Variants in PITPNC1 observed in about 807,000 individuals in gnomAD.
The protein encoded by PITPNC1 is cytoplasmic phosphatidylinositol transfer protein 1.
A neutral mutation model predicts 44.7 loss-of-function variants in PITPNC1; 18 were observed. The observed-to-expected ratio is 0.40, with a 90% CI of 0.28 to 0.60. PITPNC1 has a LOEUF of 0.60. Among genes scored for constraint, PITPNC1 ranks in the 20% least tolerant of loss-of-function variants. The probability of loss-of-function intolerance (pLI) is 0.39; values close to 1 mark genes in which losing one functional copy is unlikely to be tolerated. For missense variants in PITPNC1, 290 were observed against 418.4 expected (o/e 0.69, Z 2.68); for synonymous variants, 141 against 149.6 (o/e 0.94, Z 0.42).
At chr17:67,462,337 T>G (rs1407337438) in intron 1 of PITPNC1, among the ~76,000 whole-genome samples, 1 of 146,572 alleles carries the variant, frequency 6.8e-6, no homozygotes, top group African/African-American at 2.5e-5. Context: ...GTTCAAGCAA[T>G]TCTCCTGCTT....
intron 4 of PITPNC1, among the ~76,000 whole-genome samples, chr17:67,557,219 G>A (rs2040850003): frequency 6.6e-6 from 1 of 151,458 alleles, no homozygotes; most frequent in Non-Finnish European, 1.5e-5. Context: ...AAGTTCTCTG[G>A]TCTCATCTTT....
chr17:67,474,336 T>C (rs1460884598), intron 1 of PITPNC1, among the ~76,000 whole-genome samples: 1 of 152,210 alleles, frequency 6.6e-6, no homozygotes, highest in Non-Finnish European at 1.5e-5. Context: ...GTGACGACAA[T>C]GGGAAGTTGA....
chr17:67,654,855 A>C lies in PITPNC1; in HGVS notation c.463-14653A>C, dbSNP rs554267476. ...TCACCATATTGGCCAGGCTGGTCTC[A>C]AACTCCTGACCTCGTGATCTGCCCG... On this transcript the variant is annotated intron_variant, in intron 6 of 8. Coordinates refer to ENST00000581322, the MANE Select transcript of PITPNC1 (RefSeq NM_012417.4). Among the ~76,000 whole-genome samples the C allele has an allele frequency of 4.6e-5, 7 of 152,092 alleles. No homozygotes were observed. The East Asian group carries it at 7.8e-4, about 17-fold the overall frequency.
chr17:67,677,674 T>C (rs2042627325), intron 8 of PITPNC1, among the ~76,000 whole-genome samples: 1 of 151,838 alleles, frequency 6.6e-6, no homozygotes, highest in South Asian at 2.1e-4. Context: ...TTCAAGCGAT[T>C]CTCCTTGCCT....
At chr17:67,576,640 A>G (rs771470914) in intron 4 of PITPNC1, among the ~76,000 whole-genome samples, 6 of 152,164 alleles carry the variant, frequency 3.9e-5, no homozygotes, top group African/African-American at 7.2e-5. Context: ...GCGTGGTTAC[A>G]CCAACATCCA....
At chr17:67,577,280 G>A (rs1172363736) in intron 4 of PITPNC1, among the ~76,000 whole-genome samples, 2 of 151,678 alleles carry the variant, frequency 1.3e-5, no homozygotes, top group East Asian at 1.9e-4. Flanking sequence ...GACAAAGTAA[G>A]ACTCTGTCTC....
chr17:67,560,038 C>T (rs1598821024), intron 4 of PITPNC1, among the ~76,000 whole-genome samples: 1 of 152,192 alleles, frequency 6.6e-6, no homozygotes, highest in Non-Finnish European at 1.5e-5. Context: ...CAAGATGGTA[C>T]ACAGCCCATT....
At chr17:67,643,881 AACCATGTGTCTTTGGAAAGTGGCC>A (rs1302503095) in intron 6 of PITPNC1, among the ~76,000 whole-genome samples, 1 of 152,158 alleles carries the variant, frequency 6.6e-6, no homozygotes, top group Non-Finnish European at 1.5e-5. Flanking sequence ...GCTCCGTGGA[AACCATGTGTCTTTGGAAAGTGGCC>A]ACCGTGAGTG....
At chr17:67,681,823 C>A (rs1322443617) in intron 8 of PITPNC1, among the ~76,000 whole-genome samples, 1 of 151,860 alleles carries the variant, frequency 6.6e-6, no homozygotes, top group Non-Finnish European at 1.5e-5. Context: ...AATGATAATC[C>A]AATTTAATAA....
intron 8 of PITPNC1, among the ~76,000 whole-genome samples, chr17:67,685,668 G>T (rs1241320356): frequency 7.2e-5 from 11 of 152,180 alleles, no homozygotes. Flanking sequence ...AGTAACAGAG[G>T]AATGCCTACC....
At chr17:67,392,336 G>C (rs2038150310) in intron 1 of PITPNC1, among the ~76,000 whole-genome samples, 1 of 152,154 alleles carries the variant, frequency 6.6e-6, no homozygotes, top group African/African-American at 2.4e-5. Flanking sequence ...TACTAGCAGT[G>C]CCTCCAGATC....
chr17:67,402,436 C>G (rs1037488848), intron 1 of PITPNC1, among the ~76,000 whole-genome samples: 1 of 152,148 alleles, frequency 6.6e-6, no homozygotes, highest in Non-Finnish European at 1.5e-5. Context: ...TTTTCAGAAG[C>G]CGCATCAAAC....
At position 67,471,034 on chromosome 17, in the gene PITPNC1, T is replaced by C. The variant is rs1365326830; in HGVS notation, c.49-61768T>C. On this transcript the variant is annotated intron_variant, in intron 1 of 8. Coordinates refer to ENST00000581322, the MANE Select transcript of PITPNC1 (RefSeq NM_012417.4). ...CTCGTTAAGAGTCATCACCAATCCC[T>C]AATCTCAAGTAATCAGGGACACAAA... 3.3e-5 allele frequency among the ~76,000 whole-genome samples: 4 copies of C among 123,040 alleles called. No homozygotes were observed. In the Admixed American group the frequency reaches 3.4e-4, roughly 10 times the overall value. 80.7% of individuals were successfully genotyped at this position (123,040 alleles called of 152,430 possible). A position where few individuals can be genotyped will look rare whatever the true frequency, so the allele number is the denominator to read the frequency against.
At chr17:67,428,538 G>GAAAA (rs1218683922) in intron 1 of PITPNC1, among the ~76,000 whole-genome samples, 2 of 89,606 alleles carry the variant, frequency 2.2e-5, no homozygotes, top group African/African-American at 4.1e-5. Flanking sequence ...ATCTCAAAAA[G>GAAAA]AAAAAAAAAA....
intron 1 of PITPNC1, among the ~76,000 whole-genome samples, chr17:67,431,201 GGCGC>G (rs2038852020): frequency 6.6e-6 from 1 of 151,652 alleles, no homozygotes; most frequent in Non-Finnish European, 1.5e-5. Context: ...TGGGACTATA[GGCGC>G]CCACCACCAC....
chr17:67,642,645 C>G (rs902234795), intron 6 of PITPNC1, among the ~76,000 whole-genome samples: 1 of 152,112 alleles, frequency 6.6e-6, no homozygotes, highest in African/African-American at 2.4e-5. Flanking sequence ...TTTCAGACCT[C>G]ATTCCTTCCA....
chr17:67,444,152 C>A (rs1389573967), intron 1 of PITPNC1, among the ~76,000 whole-genome samples: 1 of 152,050 alleles, frequency 6.6e-6, no homozygotes, highest in Non-Finnish European at 1.5e-5. Flanking sequence ...CTGCTACCCC[C>A]ATCCCTGGAT....
intron 1 of PITPNC1, among the ~76,000 whole-genome samples, chr17:67,473,409 A>T (rs560858840): frequency 4.0e-4 from 61 of 151,626 alleles, no homozygotes; most frequent in African/African-American, 1.4e-3. Context: ...GCTCACTGCA[A>T]GCTCCACCTC....
chr17:67,629,335 C>T (rs777418968), intron 5 of PITPNC1, among the ~76,000 whole-genome samples: 4 of 151,590 alleles, frequency 2.6e-5, no homozygotes, highest in Non-Finnish European at 4.4e-5. Context: ...TGCAGTGGCA[C>T]GATCTCGGCT....
Sources: allele counts gnomAD v4.1 joint callset (sites outside exome capture counted in the v4.1 genomes callset), GRCh38; gene constraint gnomAD v4.1.1; transcripts MANE v1.5; gene names NCBI Gene and HGNC (gene_info 2026-07-23, HGNC 2026-07-21).